Variants in IPMK observed in about 807,000 individuals in gnomAD.
IPMK encodes inositol 1,3,4,6-tetrakisphosphate 5-kinase.
In IPMK, 17 loss-of-function variants were observed where a neutral mutation model predicts 45.8. The ratio of observed to expected loss-of-function variants is 0.37; its 90% CI spans 0.25 to 0.56. The LOEUF (loss-of-function observed/expected upper bound fraction) is 0.56, where lower values mean the gene tolerates loss of function less well. Ranked by LOEUF, IPMK falls within the 20% of genes least tolerant of loss-of-function variation. IPMK has a pLI of 0.79. For missense variants in IPMK, 399 were observed against 498.0 expected (o/e 0.80, Z 1.89); for synonymous variants, 180 against 184.3 (o/e 0.98, Z 0.19).
intron 3 of IPMK, 23 bp downstream of exon 3, chr10:58,227,020 G>A (rs769249711): frequency 1.3e-6 from 2 of 1,520,578 alleles, no homozygotes; most frequent in Admixed American, 3.4e-5. Context: ...AAAACTGAAA[G>A]ATAATTTTTA....
rs770372872 is a variant in IPMK at position 58,196,059 on chromosome 10, A to G, written c.*17T>C. The G allele has an allele frequency of 1.3e-6, 2 of 1,595,860 alleles. No individual in the cohort carries two copies. The highest frequency in any genetic ancestry group is 3.4e-5 in the Admixed American group (2 of 58,192). ...ATTATGATTGGCCCACCCCTTAAAA[A>G]GACTGCAACAGAGGATTCAATTGTC... On this transcript the variant is annotated 3_prime_UTR_variant, in exon 6 of 6. Transcript: ENST00000373935.
At position 58,253,576 on chromosome 10, in the gene IPMK, A is replaced by G. The variant is rs536337061; in HGVS notation, c.190+13846T>C. On this transcript the variant is annotated intron_variant, in intron 1 of 5. Coordinates refer to ENST00000373935, the MANE Select transcript of IPMK (RefSeq NM_152230.5). ...AACACAGTGAAACCCTGTCTCTACT[A>G]AAATACAAAAAATTAGCTGGGCATG... 8.6e-5 allele frequency among the ~76,000 whole-genome samples: 13 copies of G among 151,836 alleles called. No individual in the cohort carries two copies. In the East Asian group the frequency reaches 2.1e-3, roughly 25 times the overall value.
At chr10:58,248,644 T>C (rs754418094) in intron 1 of IPMK, among the ~76,000 whole-genome samples, 1 of 150,262 alleles carries the variant, frequency 6.7e-6, no homozygotes, top group Admixed American at 6.6e-5. Flanking sequence ...CTAGAACTTA[T>C]TCCTTCTAAG....
chr10:58,224,317 T>TA (rs1439177973), intron 3 of IPMK, among the ~76,000 whole-genome samples: 1 of 152,232 alleles, frequency 6.6e-6, no homozygotes, highest in African/African-American at 2.4e-5. Flanking sequence ...CAAATAATTA[T>TA]ATCCAACAGT....
chr10:58,216,090 C>A, intron 4 of IPMK, 55 bp downstream of exon 4: 3 of 1,153,700 alleles, frequency 2.6e-6, no homozygotes, highest in South Asian at 2.4e-5. Context: ...CCATAATTTT[C>A]AAGGGAAGAA....
intron 2 of IPMK, among the ~76,000 whole-genome samples, chr10:58,236,697 G>A (rs1158734308): frequency 6.6e-6 from 1 of 151,914 alleles, no homozygotes; most frequent in African/African-American, 2.4e-5. Flanking sequence ...TTGAGCCCAG[G>A]AGTTCAAGAC....
Position 58,217,156 on chromosome 10 carries a change from C to CTTTTTTTT in IPMK, c.374-847_374-840dup, listed in dbSNP as rs58314639. Among the ~76,000 whole-genome samples the CTTTTTTTT allele has an allele frequency of 4.9e-5, 5 of 102,910 alleles. 1 individual carries two copies. The highest frequency in any genetic ancestry group is 7.8e-5 in the African/African-American group (2 of 25,750). 67.5% of individuals were successfully genotyped at this position (102,910 alleles called of 152,430 possible). A position where few individuals can be genotyped will look rare whatever the true frequency, so the allele number is the denominator to read the frequency against. On this transcript the variant is annotated intron_variant, in intron 3 of 5. Coordinates refer to ENST00000373935, the MANE Select transcript of IPMK (RefSeq NM_152230.5). Reference sequence around the variant, plus strand: ...GAGTCACCATGCCCAGCCCATCTTGCTTTTTTTTTTTTTTTTTTTTTTAGA... The same window carrying CTTTTTTTT: ...GAGTCACCATGCCCAGCCCATCTTGCTTTTTTTTTTTTTTTTTTTTTTTTTTTTTTAGA...
chr10:58,261,994 C>T (rs1839076445), intron 1 of IPMK, among the ~76,000 whole-genome samples: 1 of 151,784 alleles, frequency 6.6e-6, no homozygotes, highest in Non-Finnish European at 1.5e-5. Context: ...ATCGCAAGGA[C>T]AGAAAACCAA....
intron 1 of IPMK, among the ~76,000 whole-genome samples, chr10:58,252,042 A>T (rs879316080): frequency 2.6e-5 from 4 of 152,098 alleles, no homozygotes; most frequent in Non-Finnish European, 5.9e-5. Flanking sequence ...TGTTTTGTAG[A>T]TCTTTTCTTC....
At chr10:58,239,159 T>A (rs1838660771) in intron 1 of IPMK, among the ~76,000 whole-genome samples, 1 of 152,128 alleles carries the variant, frequency 6.6e-6, no homozygotes, top group South Asian at 2.1e-4. Context: ...TAAAAATATT[T>A]GTTCAAAATT....
chr10:58,260,885 C>A (rs1225124686), intron 1 of IPMK, among the ~76,000 whole-genome samples: 1 of 152,092 alleles, frequency 6.6e-6, no homozygotes, highest in Non-Finnish European at 1.5e-5. Flanking sequence ...CAAATAAAAT[C>A]TCATCCTGTT....
chr10:58,210,314 G>A (rs145697775), intron 4 of IPMK, among the ~76,000 whole-genome samples: 141 of 152,260 alleles, frequency 9.3e-4, no homozygotes, highest in Non-Finnish European at 1.5e-3. Context: ...TGGGCAGCCT[G>A]CATGTGAAAC....
At chr10:58,198,188 C>T (rs1202294633) in intron 5 of IPMK, among the ~76,000 whole-genome samples, 1 of 152,194 alleles carries the variant, frequency 6.6e-6, no homozygotes, top group Non-Finnish European at 1.5e-5. Flanking sequence ...TTCATTTGCT[C>T]TCAATAATAT....
chr10:58,200,306 G>A (rs987172108), intron 4 of IPMK, among the ~76,000 whole-genome samples: 5 of 151,866 alleles, frequency 3.3e-5, no homozygotes, highest in African/African-American at 1.2e-4. Context: ...TTTAGTAGAG[G>A]TGAGGTTTCA....
At chr10:58,232,377 T>C (rs548130345) in intron 2 of IPMK, among the ~76,000 whole-genome samples, 2 of 152,146 alleles carry the variant, frequency 1.3e-5, no homozygotes, top group Non-Finnish European at 2.9e-5. Flanking sequence ...TAACAGAACA[T>C]ACATTCTTCT....
intron 1 of IPMK, among the ~76,000 whole-genome samples, chr10:58,246,693 T>C (rs558730433): frequency 9.9e-5 from 15 of 151,162 alleles, no homozygotes; most frequent in African/African-American, 3.4e-4. Context: ...CCTAAAACCA[T>C]AAAAACCCTA....
intron 1 of IPMK, among the ~76,000 whole-genome samples, chr10:58,253,734 CAAAAAAAAAA>C (rs1183304261): frequency 1.0e-4 from 5 of 49,886 alleles, no homozygotes; most frequent in Non-Finnish European, 1.9e-4. Flanking sequence ...ACTCCATCTC[CAAAAAAAAAA>C]AAAAAAGAAA....
At chr10:58,247,749 T>C (rs80114950) in intron 1 of IPMK, among the ~76,000 whole-genome samples, 1 of 152,146 alleles carries the variant, frequency 6.6e-6, no homozygotes, top group African/African-American at 2.4e-5. Flanking sequence ...GGCACATGTA[T>C]ACATATGTAA....
At chr10:58,248,833 A>T (rs960105596) in intron 1 of IPMK, among the ~76,000 whole-genome samples, 8 of 152,154 alleles carry the variant, frequency 5.3e-5, no homozygotes, top group Non-Finnish European at 8.8e-5. Flanking sequence ...TCATATAATG[A>T]GCTCCAATTC....
Sources: allele counts gnomAD v4.1 joint callset (sites outside exome capture counted in the v4.1 genomes callset), GRCh38; gene constraint gnomAD v4.1.1; transcripts MANE v1.5; gene names NCBI Gene and HGNC (gene_info 2026-07-23, HGNC 2026-07-21).